The following TMEM132C variants were observed in gnomAD, a reference collection of about 807,000 sequenced individuals.
The protein encoded by TMEM132C is transmembrane protein 132C.
TMEM132C carries 29 observed loss-of-function variants against 61.4 expected under a neutral mutation model. The observed-to-expected ratio is 0.47, with a 90% confidence interval of 0.35 to 0.64. The LOEUF is 0.64. Ranked by LOEUF, TMEM132C falls within the 30% of genes least tolerant of loss-of-function variation. The pLI is 0.00. For synonymous variants in TMEM132C, 656 were observed against 633.1 expected, an observed-to-expected ratio of 1.04 and a Z score of -0.54; for missense variants, 1,408 against 1,476.9, an observed-to-expected ratio of 0.95 and a Z score of 0.76.
At chr12:128,575,193 A>G (rs1017012191) in intron 3 of TMEM132C, among the ~76,000 whole-genome samples, 3 of 152,254 alleles carry the variant, frequency 2.0e-5, no homozygotes, top group Non-Finnish European at 4.4e-5. Context: ...ATAAATATAA[A>G]GAGAGGCCGG....
At chr12:128,394,159 A>G (rs972458836) in intron 1 of TMEM132C, among the ~76,000 whole-genome samples, 1 of 152,188 alleles carries the variant, frequency 6.6e-6, no homozygotes, top group South Asian at 2.1e-4. Context: ...AGGAAACTCC[A>G]CTTTTAAAAA....
At chr12:128,539,344 T>C (rs12814729) in intron 2 of TMEM132C, among the ~76,000 whole-genome samples, 70,145 of 152,118 alleles carry the variant, frequency 0.46, 18,811 homozygotes, top group Non-Finnish European at 0.61. Context: ...GGGCTGGGCG[T>C]GGTGTCTCAC....
Position 128,344,405 on chromosome 12 carries a change from G to A in TMEM132C, c.86-70327G>A, listed in dbSNP as rs1043627440. On this transcript the variant is annotated intron_variant, in intron 1 of 8. Coordinates refer to ENST00000435159, the MANE Select transcript of TMEM132C (RefSeq NM_001136103.3). ...CATCTTCTCACCTCGTGATCCACCC[G>A]CCTCGGCCTCCCAAAGTGCTGGGAT... Among the ~76,000 whole-genome samples the A allele has an allele frequency of 6.6e-5, 10 of 152,214 alleles. No homozygotes were observed. In the East Asian group the frequency reaches 1.4e-3, roughly 21 times the overall value.
At chr12:128,578,395 G>A (rs966249026) in intron 3 of TMEM132C, among the ~76,000 whole-genome samples, 4 of 152,056 alleles carry the variant, frequency 2.6e-5, no homozygotes, top group East Asian at 1.9e-4. Context: ...TGAGCTCCCC[G>A]GGTACCCACT....
chr12:128,289,388 A>G (rs1437187043), intron 1 of TMEM132C, among the ~76,000 whole-genome samples: 1 of 152,246 alleles, frequency 6.6e-6, no homozygotes, highest in African/African-American at 2.4e-5. Flanking sequence ...GAATTTAAAA[A>G]TGTCCCTAAC....
chr12:128,544,810 A>G (rs140148358), intron 3 of TMEM132C, among the ~76,000 whole-genome samples: 2 of 152,382 alleles, frequency 1.3e-5, no homozygotes, highest in African/African-American at 4.8e-5. Context: ...TAAGGACACT[A>G]CAATTTTCAC....
At chr12:128,351,796 C>A (rs1873344221) in intron 1 of TMEM132C, among the ~76,000 whole-genome samples, 2 of 152,232 alleles carry the variant, frequency 1.3e-5, no homozygotes, top group South Asian at 4.1e-4. Context: ...TCCTAGCAGG[C>A]CCCACCTCCA....
At position 128,370,497 on chromosome 12, in the gene TMEM132C, G is replaced by T. The variant is rs189987316; in HGVS notation, c.86-44235G>T. 5.3e-4 allele frequency among the ~76,000 whole-genome samples: 80 copies of T among 152,028 alleles called. 1 individual carries two copies. The highest frequency in any genetic ancestry group is 1.4e-3 in the African/African-American group (56 of 41,456). ...CCAGCAGCAAAGCAAAGGTGAAGAG[G>T]CAAGGAGAGTAGTGTTTCTAGAGCC... is the stretch of plus-strand genomic sequence containing the variant. On this transcript the variant is annotated intron_variant, in intron 1 of 8. Transcript: ENST00000435159.
intron 1 of TMEM132C, among the ~76,000 whole-genome samples, chr12:128,374,410 G>A (rs1480223689): frequency 6.6e-6 from 1 of 152,088 alleles, no homozygotes; most frequent in Non-Finnish European, 1.5e-5. Context: ...CAGGCTTTCC[G>A]GTGCCCCTGG....
At chr12:128,504,984 C>CGTAGTAAGTAAGATTACTTACTACTTTAT in intron 2 of TMEM132C, among the ~76,000 whole-genome samples, 1 of 152,012 alleles carries the variant, frequency 6.6e-6, no homozygotes, top group Middle Eastern at 3.4e-3. Flanking sequence ...TACTACTTTA[C>CGTAGTAAGTAAGATTACTTACTACTTTAT]GTAGTAAGTA....
chr12:128,585,308 G>A (rs1875502407), intron 3 of TMEM132C, among the ~76,000 whole-genome samples: 1 of 152,118 alleles, frequency 6.6e-6, no homozygotes, highest in South Asian at 2.1e-4. Context: ...ATTCTTGCAG[G>A]AGTGTGTCCT....
At chr12:128,333,891 G>A (rs1023727900) in intron 1 of TMEM132C, among the ~76,000 whole-genome samples, 3 of 150,946 alleles carry the variant, frequency 2.0e-5, no homozygotes, top group East Asian at 3.9e-4. Flanking sequence ...TGTGCCTTGT[G>A]TGGTGTGTGT....
chr12:128,301,563 T>A (rs940688477), intron 1 of TMEM132C, among the ~76,000 whole-genome samples: 1 of 152,188 alleles, frequency 6.6e-6, no homozygotes, highest in Non-Finnish European at 1.5e-5. Flanking sequence ...AGAGCCAGAA[T>A]ATTTGCCTTG....
At chr12:128,279,179 A>G (rs895489401) in intron 1 of TMEM132C, among the ~76,000 whole-genome samples, 1 of 152,114 alleles carries the variant, frequency 6.6e-6, no homozygotes, top group Admixed American at 6.5e-5. Flanking sequence ...TCACCTGTCT[A>G]TTCTCCAAGC....
intron 3 of TMEM132C, among the ~76,000 whole-genome samples, chr12:128,550,753 C>G (rs1381148981): frequency 6.6e-6 from 1 of 152,200 alleles, no homozygotes; most frequent in Non-Finnish European, 1.5e-5. Context: ...TTGGAGGGAA[C>G]AATTCAGTCT....
At chr12:128,356,702 G>A (rs926566403) in intron 1 of TMEM132C, among the ~76,000 whole-genome samples, 1 of 152,240 alleles carries the variant, frequency 6.6e-6, no homozygotes, top group Non-Finnish European at 1.5e-5. Flanking sequence ...TACTTCTAGA[G>A]CACTGAGTAA....
In TMEM132C at chr12:128,387,767, C is replaced by T. The variant is rs146095865; in HGVS notation, c.86-26965C>T. ...AGAGGTTGCAGTGCAGAGATCACAC[C>T]ATTGCACTCCAGCCTGGGCAACAGA... On this transcript the variant is annotated intron_variant, in intron 1 of 8. Coordinates refer to ENST00000435159, the MANE Select transcript of TMEM132C (RefSeq NM_001136103.3). Among the ~76,000 whole-genome samples, 429 of 152,232 alleles carry T rather than the reference C, an allele frequency of 2.8e-3. 5 individuals are homozygous for T. Among genetic ancestry groups the T allele is most frequent in the African/African-American group, 0.01 (416 of 41,544 alleles).
intron 2 of TMEM132C, among the ~76,000 whole-genome samples, chr12:128,480,585 C>A (rs1238170727): frequency 6.6e-6 from 1 of 152,176 alleles, no homozygotes; most frequent in African/African-American, 2.4e-5. Flanking sequence ...TGCAGCACCC[C>A]GGGGCCTTCT....
At chr12:128,492,139 T>C (rs1327974100) in intron 2 of TMEM132C, among the ~76,000 whole-genome samples, 1 of 152,146 alleles carries the variant, frequency 6.6e-6, no homozygotes, top group African/African-American at 2.4e-5. Context: ...CTGAGAATGA[T>C]GGTTTCCAGC....
Sources: gnomAD v4.1 joint callset for allele counts (sites outside exome capture counted in the v4.1 genomes callset) on GRCh38, gnomAD v4.1.1 for gene constraint, MANE v1.5 for transcripts, NCBI Gene and HGNC (gene_info 2026-07-23, HGNC 2026-07-21) for gene names.